Variants in ERBB4 observed in about 807,000 individuals in gnomAD.
The protein encoded by ERBB4 is receptor tyrosine-protein kinase erbB-4.
A neutral mutation model predicts 158.0 loss-of-function variants in ERBB4; 42 were observed. The observed-to-expected ratio is 0.27, with a 90% CI of 0.21 to 0.34. ERBB4 has a LOEUF of 0.34. ERBB4 is among the 10% of genes least tolerant of loss of function. The pLI is 1.00. For missense variants in ERBB4, 1,333 were observed against 1,624.1 expected (o/e 0.82, Z 3.08); for synonymous variants, 583 against 558.7 (o/e 1.04, Z -0.61).
intron 3 of ERBB4, among the ~76,000 whole-genome samples, chr2:211,816,544 A>G (rs1394336089): frequency 6.6e-6 from 1 of 150,714 alleles, no homozygotes; most frequent in Non-Finnish European, 1.5e-5. Flanking sequence ...CCGTCTCAAA[A>G]AAAAAAAAAA....
chr2:212,394,238 A>C (rs2090959614), intron 1 of ERBB4, among the ~76,000 whole-genome samples: 1 of 152,114 alleles, frequency 6.6e-6, no homozygotes, highest in African/African-American at 2.4e-5. Context: ...AATTATACTC[A>C]TGACTATGTT....
chr2:212,139,905 T>A (rs1423248293), intron 1 of ERBB4, among the ~76,000 whole-genome samples: 1 of 151,830 alleles, frequency 6.6e-6, no homozygotes, highest in Admixed American at 6.6e-5. Context: ...AATATGCACT[T>A]TATGATAAAT....
At chr2:211,442,774 T>A (rs2064016027) in intron 20 of ERBB4, among the ~76,000 whole-genome samples, 1 of 152,040 alleles carries the variant, frequency 6.6e-6, no homozygotes, top group Admixed American at 6.6e-5. Context: ...ATCTATTGAC[T>A]TGATTAATTT....
At chr2:212,283,608 C>T (rs770319742) in intron 1 of ERBB4, among the ~76,000 whole-genome samples, 26 of 151,966 alleles carry the variant, frequency 1.7e-4, no homozygotes, top group Non-Finnish European at 2.4e-4. Flanking sequence ...GAAAATGATT[C>T]ATGCAATGCT....
At chr2:211,693,788 A>G (rs998923593) in intron 12 of ERBB4, among the ~76,000 whole-genome samples, 2 of 152,206 alleles carry the variant, frequency 1.3e-5, no homozygotes, top group African/African-American at 4.8e-5. Flanking sequence ...ACAATTCTAG[A>G]GATCAGAAGT....
intron 1 of ERBB4, among the ~76,000 whole-genome samples, chr2:212,238,211 G>A (rs1574494984): frequency 6.6e-6 from 1 of 152,298 alleles, no homozygotes; most frequent in South Asian, 2.1e-4. Flanking sequence ...GGTGGCATAG[G>A]CACCCAAGGG....
chr2:212,483,166 C>T (rs1187598034), intron 1 of ERBB4, among the ~76,000 whole-genome samples: 1 of 152,188 alleles, frequency 6.6e-6, no homozygotes, highest in African/African-American at 2.4e-5. Context: ...AAAGGTCGTA[C>T]CATCTGCTGA....
At chr2:212,416,594 C>A (rs139375429) in intron 1 of ERBB4, among the ~76,000 whole-genome samples, 2 of 151,992 alleles carry the variant, frequency 1.3e-5, no homozygotes, top group Non-Finnish European at 2.9e-5. Flanking sequence ...ACAAATAAAG[C>A]CCTTAAGACC....
intron 5 of ERBB4, among the ~76,000 whole-genome samples, chr2:211,732,221 C>T (rs1401564436): frequency 6.6e-6 from 1 of 152,078 alleles, no homozygotes; most frequent in African/African-American, 2.4e-5. Context: ...ATTGTTGCCT[C>T]ACAGAGGAAG....
At chr2:211,496,480 T>G (rs2065472662) in intron 20 of ERBB4, among the ~76,000 whole-genome samples, 1 of 151,870 alleles carries the variant, frequency 6.6e-6, no homozygotes, top group South Asian at 2.1e-4. Context: ...CATTGATCGG[T>G]ACCATACTTG....
chr2:211,939,897 A>T (rs576797800), intron 3 of ERBB4, among the ~76,000 whole-genome samples: 6 of 151,616 alleles, frequency 4.0e-5, no homozygotes, highest in African/African-American at 1.5e-4. Flanking sequence ...CAGTGAGCTG[A>T]GATTGTGCCA....
At chr2:211,626,588 G>A (rs1390076055) in intron 17 of ERBB4, among the ~76,000 whole-genome samples, 3 of 152,034 alleles carry the variant, frequency 2.0e-5, no homozygotes, top group Non-Finnish European at 4.4e-5. Context: ...AAATAATTTA[G>A]TCTTAAAGAA....
In ERBB4 at chr2:211,537,082, T is replaced by C. The variant is rs1275471418; in HGVS notation, c.2487+24821A>G. On this transcript the variant is annotated intron_variant, in intron 20 of 27. Coordinates refer to ENST00000342788, the MANE Select transcript of ERBB4 (RefSeq NM_005235.3). ...AACAAAGTAAGAGTAAAACAATTTT[T>C]TTATTTTTAAAATTACCCTGAAAAT... 8.5e-5 allele frequency among the ~76,000 whole-genome samples: 13 copies of C among 152,066 alleles called. 1 individual carries two copies. The highest frequency in any genetic ancestry group is 8.5e-4 in the Admixed American group (13 of 15,262).
intron 26 of ERBB4, 101 bp downstream of exon 26, chr2:211,387,844 G>T: frequency 1.1e-6 from 1 of 919,692 alleles, no homozygotes; most frequent in Non-Finnish European, 1.8e-6. Flanking sequence ...ACTCACTGTT[G>T]GCAAAGGCAA....
chr2:212,208,206 T>G (rs1274893210), intron 1 of ERBB4, among the ~76,000 whole-genome samples: 1 of 152,182 alleles, frequency 6.6e-6, no homozygotes, highest in Non-Finnish European at 1.5e-5. Flanking sequence ...TATTTCTGCC[T>G]TAGGGTCCTG....
intron 3 of ERBB4, among the ~76,000 whole-genome samples, chr2:211,885,338 G>C (rs1429769593): frequency 1.3e-5 from 2 of 152,118 alleles, no homozygotes; most frequent in Non-Finnish European, 2.9e-5. Context: ...ACCCAGAAAA[G>C]CTGGATCTAT....
At chr2:212,192,259 T>C (rs904561422) in intron 1 of ERBB4, among the ~76,000 whole-genome samples, 1 of 117,778 alleles carries the variant, frequency 8.5e-6, no homozygotes, top group Non-Finnish European at 1.7e-5. Flanking sequence ...ATTTCCCCTA[T>C]ACTCTGTCTG....
At position 212,368,841 on chromosome 2, in the gene ERBB4, G is replaced by A. The variant is rs529768000; in HGVS notation, c.82+169608C>T. On this transcript the variant is annotated intron_variant, in intron 1 of 27. Coordinates refer to ENST00000342788, the MANE Select transcript of ERBB4 (RefSeq NM_005235.3). ...CCTATTCTCCACACCTGAGTTGGAA[G>A]ACATATGAGCTCGGTTTTAGTACTA... Among the ~76,000 whole-genome samples the A allele has an allele frequency of 1.3e-4, 20 of 152,242 alleles. No individual in the cohort carries two copies. The South Asian group carries it at 3.3e-3, about 25-fold the overall frequency.
intron 4 of ERBB4, among the ~76,000 whole-genome samples, chr2:211,786,891 A>G (rs916441867): frequency 2.0e-5 from 3 of 152,214 alleles, no homozygotes; most frequent in Admixed American, 1.3e-4. Flanking sequence ...TCTCACATGT[A>G]ATTTTACAAA....
Sources: allele counts gnomAD v4.1 joint callset (sites outside exome capture counted in the v4.1 genomes callset), GRCh38; gene constraint gnomAD v4.1.1; transcripts MANE v1.5; gene names NCBI Gene and HGNC (gene_info 2026-07-23, HGNC 2026-07-21).